ARHGAP42: variants seen among roughly 807,000 people sequenced by gnomAD.
ARHGAP42 encodes the protein rho GTPase-activating protein 42.
ARHGAP42 carries 63 observed loss-of-function variants against 125.0 expected under a neutral mutation model. The ratio of observed to expected loss-of-function variants is 0.50; its 90% CI spans 0.41 to 0.62. The LOEUF is 0.62. Among genes scored for constraint, ARHGAP42 ranks in the 20% least tolerant of loss-of-function variants. ARHGAP42 has a pLI of 0.00. For missense variants in ARHGAP42, 766 were observed against 1,024.2 expected (o/e 0.75, Z 3.44); for synonymous variants, 339 against 351.0 (o/e 0.97, Z 0.38).
intron 2 of ARHGAP42, among the ~76,000 whole-genome samples, chr11:100,775,583 T>G (rs1245712480): frequency 3.3e-5 from 5 of 152,192 alleles, no homozygotes; most frequent in Admixed American, 2.0e-4. Context: ...ATCATATTCT[T>G]TTGAAAACAC....
At chr11:100,782,336 C>T (rs1163736256) in intron 2 of ARHGAP42, among the ~76,000 whole-genome samples, 3 of 152,144 alleles carry the variant, frequency 2.0e-5, no homozygotes, top group Admixed American at 6.5e-5. Flanking sequence ...ATCCTTTATG[C>T]ATCAAGAGAA....
chr11:100,875,727 G>A (rs1160738759), intron 4 of ARHGAP42, among the ~76,000 whole-genome samples: 3 of 151,072 alleles, frequency 2.0e-5, no homozygotes, highest in East Asian at 3.9e-4. Flanking sequence ...AGGGCCTGGG[G>A]TGTGGCAGAG....
Position 100,687,659 on chromosome 11 carries a change from C to T in ARHGAP42, c.-20C>T, listed in dbSNP as rs1861108355. ...TCCGGCCCGGACGTGTCCGCGGCCGCCGCTGGCAGCGCCTGTGCCATGGGG... is the reference window on the plus strand; with the variant it reads ...TCCGGCCCGGACGTGTCCGCGGCCGTCGCTGGCAGCGCCTGTGCCATGGGG... On this transcript the variant is annotated 5_prime_UTR_variant, in exon 1 of 24. Transcript: ENST00000298815. 1.4e-6 allele frequency: 2 copies of T among 1,434,960 alleles called. No individual in the cohort carries two copies. The highest frequency in any genetic ancestry group is 1.8e-6 in the Non-Finnish European group (2 of 1,083,576). The allele number at this position is 1,434,960 out of a possible 1,614,324, so 88.9% of individuals were successfully genotyped here.
At chr11:100,722,807 G>A (rs633185) in intron 1 of ARHGAP42, among the ~76,000 whole-genome samples, 3 of 152,048 alleles carry the variant, frequency 2.0e-5, no homozygotes, top group Non-Finnish European at 2.9e-5. Flanking sequence ...TTAATGAAGT[G>A]CAACTTACCA....
chr11:100,786,806 C>T (rs888640092), intron 2 of ARHGAP42, among the ~76,000 whole-genome samples: 2 of 152,172 alleles, frequency 1.3e-5, no homozygotes, highest in Non-Finnish European at 2.9e-5. Flanking sequence ...CCCTGGCTTA[C>T]AGAAGGTTTC....
intron 2 of ARHGAP42, among the ~76,000 whole-genome samples, chr11:100,793,021 T>A (rs535795045): frequency 1.4e-4 from 22 of 152,278 alleles, no homozygotes; most frequent in Admixed American, 4.6e-4. Context: ...CCCAAAGTGC[T>A]GGGATTACAG....
At chr11:100,896,982 T>G (rs920645653) in intron 4 of ARHGAP42, among the ~76,000 whole-genome samples, 4 of 152,232 alleles carry the variant, frequency 2.6e-5, no homozygotes, top group African/African-American at 7.2e-5. Flanking sequence ...GGTCTAACAT[T>G]TAAGTCTTTA....
intron 2 of ARHGAP42, among the ~76,000 whole-genome samples, chr11:100,771,246 T>C (rs17095439): frequency 0.26 from 39,308 of 152,122 alleles, 5,318 homozygotes; most frequent in Non-Finnish European, 0.29. Flanking sequence ...GGGGAAACCA[T>C]GCTCCTTTCT....
At chr11:100,847,930 A>G (rs979190564) in intron 3 of ARHGAP42, among the ~76,000 whole-genome samples, 1 of 152,198 alleles carries the variant, frequency 6.6e-6, no homozygotes, top group African/African-American at 2.4e-5. Flanking sequence ...TTGAAAATGC[A>G]TTAGTCGACC....
intron 1 of ARHGAP42, among the ~76,000 whole-genome samples, chr11:100,733,845 AAAAAAAGC>A (rs1192324874): frequency 6.7e-6 from 1 of 150,162 alleles, no homozygotes; most frequent in Non-Finnish European, 1.5e-5. Context: ...AAAAAAAAAA[AAAAAAAGC>A]ACTCCATTTA....
At chr11:100,749,924 G>A (rs1049531690) in intron 1 of ARHGAP42, among the ~76,000 whole-genome samples, 1 of 152,166 alleles carries the variant, frequency 6.6e-6, no homozygotes, top group Non-Finnish European at 1.5e-5. Context: ...CATAGTATGT[G>A]AGGATCCTTT....
At chr11:100,887,299 A>T (rs1372070210) in intron 4 of ARHGAP42, among the ~76,000 whole-genome samples, 6 of 152,094 alleles carry the variant, frequency 3.9e-5, no homozygotes, top group African/African-American at 1.4e-4. Context: ...TGAACTGTTC[A>T]GTCCGGGGTC....
At chr11:100,837,400 G>A (rs1225688655) in intron 3 of ARHGAP42, among the ~76,000 whole-genome samples, 1 of 151,762 alleles carries the variant, frequency 6.6e-6, no homozygotes, top group African/African-American at 2.4e-5. Context: ...TGGTTTTGTT[G>A]TCCGTAAGGC....
intron 3 of ARHGAP42, among the ~76,000 whole-genome samples, chr11:100,841,708 A>T (rs1864950975): frequency 6.6e-6 from 1 of 151,990 alleles, no homozygotes; most frequent in South Asian, 2.1e-4. Flanking sequence ...CGGCATTGGC[A>T]CTTGCTCTTC....
chr11:100,701,387 TG>T (rs1861393589), intron 1 of ARHGAP42, among the ~76,000 whole-genome samples: 1 of 152,214 alleles, frequency 6.6e-6, no homozygotes, highest in Admixed American at 6.5e-5. Flanking sequence ...AGCCAAACAT[TG>T]ACTTCTCCTC....
chr11:100,978,668 G>A (rs1858453808), intron 21 of ARHGAP42, among the ~76,000 whole-genome samples: 1 of 152,156 alleles, frequency 6.6e-6, no homozygotes, highest in South Asian at 2.1e-4. Context: ...GGAGTCAATA[G>A]CCGTGCTGCT....
intron 3 of ARHGAP42, among the ~76,000 whole-genome samples, chr11:100,797,962 G>A (rs1172659275): frequency 6.6e-6 from 1 of 152,152 alleles, no homozygotes; most frequent in Non-Finnish European, 1.5e-5. Context: ...CAGCCCTCAT[G>A]GATGACTTGG....
intron 1 of ARHGAP42, among the ~76,000 whole-genome samples, chr11:100,723,738 G>T (rs558766600): frequency 6.6e-6 from 1 of 151,878 alleles, no homozygotes; most frequent in Admixed American, 6.5e-5. Flanking sequence ...TTCACAATTT[G>T]TATTTCTTTA....
intron 6 of ARHGAP42, among the ~76,000 whole-genome samples, chr11:100,932,007 A>G (rs1267361152): frequency 7.9e-5 from 12 of 152,206 alleles, no homozygotes; most frequent in Admixed American, 7.9e-4. Context: ...TGAACAAGAG[A>G]AGAAAGGTCC....
Sources: allele counts gnomAD v4.1 joint callset (sites outside exome capture counted in the v4.1 genomes callset), GRCh38; gene constraint gnomAD v4.1.1; transcripts MANE v1.5; gene names NCBI Gene and HGNC (gene_info 2026-07-23, HGNC 2026-07-21).